Variants in ZFHX4 observed in about 807,000 individuals in gnomAD.
The protein encoded by ZFHX4 is zinc finger homeobox protein 4.
Under a neutral mutation model 267.6 loss-of-function variants are expected in ZFHX4, and 56 were observed. The ratio of observed to expected loss-of-function variants is 0.21; its 90% CI spans 0.17 to 0.26. The LOEUF is 0.26. Among genes scored for constraint, ZFHX4 ranks in the 10% least tolerant of loss-of-function variants. ZFHX4 has a pLI of 1.00. For missense variants in ZFHX4, 4,332 were observed against 4,420.0 expected (o/e 0.98, Z 0.56); for synonymous variants, 1,778 against 1,665.6 (o/e 1.07, Z -1.64).
At chr8:76,810,254 GA>G (rs1811342608) in intron 4 of ZFHX4, among the ~76,000 whole-genome samples, 1 of 152,186 alleles carries the variant, frequency 6.6e-6, no homozygotes, top group Non-Finnish European at 1.5e-5. Context: ...AGCTTTAAAA[GA>G]AATGGCGGGG....
At chr8:76,794,873 T>TGTGTG (rs1554565461) in intron 4 of ZFHX4, among the ~76,000 whole-genome samples, 1 of 143,098 alleles carries the variant, frequency 7.0e-6, no homozygotes, top group African/African-American at 2.5e-5. Flanking sequence ...TGGCCTGTCA[T>TGTGTG]TGTGTGTGTG....
At chr8:76,681,807 G>C (rs781059373) in intron 1 of ZFHX4, among the ~76,000 whole-genome samples, 187 bp downstream of exon 1, 1 of 151,422 alleles carries the variant, frequency 6.6e-6, no homozygotes, top group Admixed American at 6.6e-5. Context: ...CCCTCATCCC[G>C]ACCATCTCTT....
Position 76,864,239 on chromosome 8 carries a change from GCTT to G in ZFHX4, c.10531_10533del (p.Ser3511del). 1 of 1,613,896 alleles carries G rather than the reference GCTT, an allele frequency of 6.2e-7. No homozygotes were observed. The highest frequency in any genetic ancestry group is 8.5e-7 in the Non-Finnish European group (1 of 1,179,848). On this transcript the variant is annotated inframe_deletion, in exon 11 of 11. Coordinates refer to ENST00000651372, the MANE Select transcript of ZFHX4 (RefSeq NM_024721.5). Reference sequence around the variant, plus strand: ...CACCACATCTACCTCGCAGTCTGCAGCTTCTTCTAATAACACCTATCCTCATCT... The same window carrying G: ...CACCACATCTACCTCGCAGTCTGCAGCTTCTAATAACACCTATCCTCATCT...
At chr8:76,687,201 C>T (rs1351207398) in intron 1 of ZFHX4, among the ~76,000 whole-genome samples, 1 of 152,074 alleles carries the variant, frequency 6.6e-6, no homozygotes, top group Non-Finnish European at 1.5e-5. Flanking sequence ...TAACTCATAC[C>T]GTGGTGAAAT....
In ZFHX4 at chr8:76,704,032, T is replaced by C. The variant is rs1808173996; in HGVS notation, c.-46-11T>C. On this transcript the variant is annotated splice_polypyrimidine_tract_variant and intron_variant, in intron 1 of 10. Transcript: ENST00000651372. Reference sequence around the variant, plus strand: ...ATAAAAATGGCTTCTCTCACCTTATTTTTTATCCAGGTCCCTGACAGGCTG... The same window carrying C: ...ATAAAAATGGCTTCTCTCACCTTATCTTTTATCCAGGTCCCTGACAGGCTG... 4.0e-6 allele frequency: 6 copies of C among 1,500,198 alleles called. No individual in the cohort carries two copies. Among genetic ancestry groups the C allele is most frequent in the Non-Finnish European group, 8.9e-7 (1 of 1,123,646 alleles). 92.9% of individuals were successfully genotyped at this position (1,500,198 alleles called of 1,614,324 possible). A position where few individuals can be genotyped will look rare whatever the true frequency, so the allele number is the denominator to read the frequency against.
At chr8:76,789,733 G>T (rs112938500) in intron 4 of ZFHX4, among the ~76,000 whole-genome samples, 2 of 151,934 alleles carry the variant, frequency 1.3e-5, no homozygotes, top group African/African-American at 2.4e-5. Context: ...TAATTTCTAC[G>T]CTATTAATGG....
At chr8:76,685,086 T>A (rs1400808064) in intron 1 of ZFHX4, among the ~76,000 whole-genome samples, 1 of 152,206 alleles carries the variant, frequency 6.6e-6, no homozygotes, top group African/African-American at 2.4e-5. Context: ...TTTACAATTA[T>A]TTCTTAAAGA....
At position 76,794,209 on chromosome 8, in the gene ZFHX4, C is replaced by T. The variant is rs901944624; in HGVS notation, c.3325+15770C>T. On this transcript the variant is annotated intron_variant, in intron 4 of 10. Transcript: ENST00000651372. ...CATCTTCTTTTATTAATTTTGATAACTTTTGGGGTGGAAATACTTTTGCAC... is the reference window on the plus strand; with the variant it reads ...CATCTTCTTTTATTAATTTTGATAATTTTTGGGGTGGAAATACTTTTGCAC... Among the ~76,000 whole-genome samples the T allele has an allele frequency of 5.9e-5, 9 of 152,140 alleles. No homozygotes were observed. The East Asian group carries it at 1.7e-3, about 29-fold the overall frequency.
intron 3 of ZFHX4, among the ~76,000 whole-genome samples, chr8:76,761,894 T>A (rs1424948589): frequency 6.6e-6 from 1 of 152,204 alleles, no homozygotes; most frequent in African/African-American, 2.4e-5. Context: ...CACTTGAGAA[T>A]ACTTGCATTG....
rs751723912 is a variant in ZFHX4 at position 76,704,697 on chromosome 8, A to G, written c.609A>G (p.Lys203=). 9.9e-6 allele frequency: 16 copies of G among 1,613,920 alleles called. No individual in the cohort carries two copies. In the African/African-American group the frequency reaches 1.6e-4, roughly 16 times the overall value. The part of the protein sequence containing the change: ...NTFHIASSLG[K]PFTADQAFPN... The stretch of plus-strand genomic sequence containing the variant: ...TTCATATCGCTTCATCCCTCGGGAA[A>G]CCATTTACAGCCGATCAGGCTTTCC... The change falls in exon 2 of 11, where the codon AAA becomes AAG. Residue 203 remains lysine (K), a synonymous_variant. Transcript: ENST00000651372.
rs979714307 is a variant in ZFHX4 at position 76,706,608 on chromosome 8, C to T, written c.2520C>T (p.Ala840=). Residue 840 remains alanine (A), a synonymous_variant, in exon 2 of 11, where the codon GCC becomes GCT. Transcript: ENST00000651372. ...CCGGAATGAAGCTGGAAAACCCTGC[C>T]GACCCTCAGCTGATGATCAATCCAT... ...GLTGMKLENP[A]DPQLMINPFQ... The T allele has an allele frequency of 1.2e-6, 2 of 1,608,114 alleles. No individual in the cohort carries two copies. The highest frequency in any genetic ancestry group is 1.7e-6 in the Non-Finnish European group (2 of 1,177,440).
chr8:76,694,690 C>T lies in ZFHX4; in HGVS notation c.-46-9353C>T, dbSNP rs1425414308. Among the ~76,000 whole-genome samples the T allele has an allele frequency of 3.1e-4, 35 of 111,366 alleles. 1 individual carries two copies. The highest frequency in any genetic ancestry group is 1.1e-4 in the Non-Finnish European group (6 of 55,130). The allele number at this position is 111,366 out of a possible 152,430, so 73.1% of individuals were successfully genotyped here. A position where few individuals can be genotyped will look rare whatever the true frequency, so the allele number is the denominator to read the frequency against. On this transcript the variant is annotated intron_variant, in intron 1 of 10. Coordinates refer to ENST00000651372, the MANE Select transcript of ZFHX4 (RefSeq NM_024721.5). ...GCCCCCCACCCTCCGCCCCCTGCTC[C>T]CGCCCCCGCCTCTGCCCCCGCCCCC...
intron 4 of ZFHX4, among the ~76,000 whole-genome samples, chr8:76,798,828 A>G (rs183583723): frequency 3.3e-5 from 5 of 152,236 alleles, no homozygotes; most frequent in Admixed American, 6.5e-5. Flanking sequence ...TTTTTTTTAA[A>G]TCAAAATTGC....
rs1480880111 is a variant in ZFHX4, at chr8:76,863,902, T to C, written c.10188T>C (p.Val3396=). Residue 3396 remains valine (V), a synonymous_variant, in exon 11 of 11, where the codon GTT becomes GTC. Coordinates refer to ENST00000651372, the MANE Select transcript of ZFHX4 (RefSeq NM_024721.5). ...CAGACTTTTCAGACACTTACGTTGT[T>C]CCATTCGTCAAGTATGAGTTTATAT... ...KSADFSDTYV[V]PFVKYEFICR... is the part of the protein sequence containing the mutation. 2 of 1,579,796 alleles carry C rather than the reference T, an allele frequency of 1.3e-6. No individual in the cohort carries two copies. The highest frequency in any genetic ancestry group is 2.3e-5 in the South Asian group (2 of 86,752).
Position 76,843,961 on chromosome 8 carries a change from G to A in ZFHX4, c.3511+1190G>A, listed in dbSNP as rs535615741. On this transcript the variant is annotated intron_variant, in intron 6 of 10. Transcript: ENST00000651372. ...AGGCCAGTGAGAAAAGCGTCACTGA[G>A]ATTTGCTCCTAGGATATACTGTCTA... 3.9e-5 allele frequency among the ~76,000 whole-genome samples: 6 copies of A among 152,180 alleles called. No individual in the cohort carries two copies. The South Asian group carries it at 1.2e-3, about 32-fold the overall frequency.
chr8:76,834,131 C>T (rs1812009216), intron 5 of ZFHX4: 1 of 449,270 alleles, frequency 2.2e-6, no homozygotes, highest in African/African-American at 2.0e-5. Context: ...CTTATTTATC[C>T]ACCTACTGAG....
intron 4 of ZFHX4, among the ~76,000 whole-genome samples, chr8:76,779,370 G>T (rs1585936233): frequency 6.6e-6 from 1 of 151,944 alleles, no homozygotes; most frequent in East Asian, 1.9e-4. Context: ...AAATATACTT[G>T]AATTAGTGGT....
intron 3 of ZFHX4, among the ~76,000 whole-genome samples, chr8:76,747,539 A>G (rs1809491553): frequency 6.6e-6 from 1 of 152,176 alleles, no homozygotes; most frequent in Admixed American, 6.5e-5. Context: ...ATGTGACTAT[A>G]GTGTTTGGAT....
intron 1 of ZFHX4, among the ~76,000 whole-genome samples, chr8:76,687,742 G>A (rs1807727664): frequency 6.6e-6 from 1 of 152,172 alleles, no homozygotes; most frequent in African/African-American, 2.4e-5. Flanking sequence ...TCTGTTATTG[G>A]AATATTAATC....
Sources: allele counts gnomAD v4.1 joint callset (sites outside exome capture counted in the v4.1 genomes callset), GRCh38; gene constraint gnomAD v4.1.1; transcripts MANE v1.5; gene names NCBI Gene and HGNC (gene_info 2026-07-23, HGNC 2026-07-21).